SLIT1: variants seen among roughly 807,000 people sequenced by gnomAD.
SLIT1 encodes slit homolog 1 protein.
In SLIT1, 66 loss-of-function variants were observed where a neutral mutation model predicts 186.1. The ratio of observed to expected loss-of-function variants is 0.35; its 90% CI spans 0.29 to 0.44. The LOEUF (loss-of-function observed/expected upper bound fraction) is 0.44, where lower values mean the gene tolerates loss of function less well. SLIT1 is among the 20% of genes least tolerant of loss of function. SLIT1 has a pLI of 1.00. For synonymous variants in SLIT1, 761 were observed against 833.8 expected (o/e 0.91, Z 1.50); for missense variants, 1,638 against 2,037.4 (o/e 0.80, Z 3.77).
intron 26 of SLIT1, among the ~76,000 whole-genome samples, chr10:97,019,347 C>T (rs1817937407): frequency 6.6e-6 from 1 of 152,176 alleles, no homozygotes; most frequent in Admixed American, 6.5e-5. Context: ...CAGTGAATTC[C>T]AGTGTGCAAA....
intron 1 of SLIT1, among the ~76,000 whole-genome samples, chr10:97,180,523 G>A (rs1018368679): frequency 2.6e-5 from 4 of 152,154 alleles, no homozygotes; most frequent in African/African-American, 4.8e-5. Flanking sequence ...CTATTCACCC[G>A]GCACAATGCA....
chr10:97,136,014 G>A (rs1163498771), intron 4 of SLIT1, among the ~76,000 whole-genome samples: 1 of 152,124 alleles, frequency 6.6e-6, no homozygotes, highest in African/African-American at 2.4e-5. Context: ...ACATTAGGAT[G>A]GGGCCCTCGG....
At chr10:97,056,236 G>T in intron 13 of SLIT1, 85 bp downstream of exon 13, 3 of 1,471,582 alleles carry the variant, frequency 2.0e-6, no homozygotes. Flanking sequence ...GCCCAGAGCC[G>T]GAGAGCTGCC....
intron 1 of SLIT1, 130 bp downstream of exon 1, chr10:97,185,348 C>T: frequency 1.1e-6 from 1 of 877,652 alleles, no homozygotes; most frequent in Non-Finnish European, 1.7e-6. Flanking sequence ...CCGGCAGGCA[C>T]TGACCCGTCT....
chr10:97,167,226 A>C (rs971768054), intron 1 of SLIT1, among the ~76,000 whole-genome samples: 2 of 152,178 alleles, frequency 1.3e-5, no homozygotes, highest in African/African-American at 4.8e-5. Flanking sequence ...CAATGAACTA[A>C]ATATTATTTC....
At chr10:97,178,036 T>C (rs1161143127) in intron 1 of SLIT1, among the ~76,000 whole-genome samples, 1 of 152,116 alleles carries the variant, frequency 6.6e-6, no homozygotes, top group Non-Finnish European at 1.5e-5. Flanking sequence ...AAGTTCTTTC[T>C]TAGAGTAGAA....
Position 97,013,955 on chromosome 10 carries a change from A to T in SLIT1, c.3109+64T>A, listed in dbSNP as rs529485541. ...CAGGGATCCCCTTCCACTCCCGAGCATGGGGGCTCAGGGCTGTCTCTGTTC... is the reference window on the plus strand; with the variant it reads ...CAGGGATCCCCTTCCACTCCCGAGCTTGGGGGCTCAGGGCTGTCTCTGTTC... On this transcript the variant is annotated intron_variant, in intron 29 of 36. Transcript: ENST00000266058. The T allele has an allele frequency of 4.9e-4, 782 of 1,593,354 alleles. 3 individuals carry two copies. The African/African-American group carries it at 9.3e-3, about 19-fold the overall frequency.
intron 25 of SLIT1, among the ~76,000 whole-genome samples, chr10:97,025,497 C>A (rs767066320): frequency 5.3e-5 from 8 of 152,140 alleles, no homozygotes; most frequent in Non-Finnish European, 8.8e-5. Context: ...GACTGCCTTG[C>A]CCTCTCTTCG....
intron 4 of SLIT1, among the ~76,000 whole-genome samples, chr10:97,131,145 G>A (rs558355843): frequency 1.9e-4 from 29 of 152,274 alleles, no homozygotes; most frequent in African/African-American, 2.6e-4. Flanking sequence ...CCTGTCAGTC[G>A]GCACCAAAGG....
rs1850402352 is a variant in SLIT1 at position 97,185,617 on chromosome 10, G to C, written c.58C>G (p.Leu20Val). The C allele has an allele frequency of 1.3e-6, 2 of 1,566,654 alleles. No individual in the cohort carries two copies. Among genetic ancestry groups the C allele is most frequent in the Non-Finnish European group, 8.6e-7 (1 of 1,157,442 alleles). ...CGCCACGCGGCTGCCCACAGCAGCA[G>C]CCAGAGCTCCGGCCGGACCGGCCCC... is the stretch of plus-strand genomic sequence containing the variant. ...SAGPVRPELWLLLWAAAWRLG... is the reference protein window; with the variant it reads ...SAGPVRPELWVLLWAAAWRLG... The change falls in exon 1 of 37, where the codon CTG becomes GTG. Residue 20 changes from leucine (L) to valine (V), a missense_variant. Physicochemically the swap from Leu to Val is conservative, Grantham distance 32 (BLOSUM62 1). This residue lies in a region of SLIT1 where 1,245 missense variants were observed against 1,535.3 expected (regional missense o/e 0.81). Coordinates refer to ENST00000266058, the MANE Select transcript of SLIT1 (RefSeq NM_003061.3).
intron 4 of SLIT1, among the ~76,000 whole-genome samples, chr10:97,145,889 G>A (rs1006894987): frequency 2.6e-5 from 4 of 152,166 alleles, no homozygotes; most frequent in Admixed American, 1.3e-4. Context: ...TGGAGGAGGT[G>A]GGGCAGGAAC....
At chr10:97,146,140 C>T (rs566535730) in intron 4 of SLIT1, among the ~76,000 whole-genome samples, 10 of 152,338 alleles carry the variant, frequency 6.6e-5, no homozygotes, top group Middle Eastern at 3.4e-3. Context: ...TATAGGATTC[C>T]AGCCCCAAAT....
At chr10:97,014,702 A>G (rs181316210) in intron 28 of SLIT1, among the ~76,000 whole-genome samples, 27 of 152,234 alleles carry the variant, frequency 1.8e-4, no homozygotes, top group African/African-American at 6.5e-4. Context: ...CGCTGTCTCT[A>G]TTAAAATACA....
intron 2 of SLIT1, among the ~76,000 whole-genome samples, chr10:97,163,847 C>T (rs1850065710): frequency 6.6e-6 from 1 of 152,374 alleles, no homozygotes; most frequent in Non-Finnish European, 1.5e-5. Flanking sequence ...GGCGCACGTG[C>T]CCTGGCCTCT....
chr10:97,090,852 C>A (rs1260212719), intron 4 of SLIT1, among the ~76,000 whole-genome samples: 1 of 152,232 alleles, frequency 6.6e-6, no homozygotes, highest in East Asian at 1.9e-4. Flanking sequence ...CTCCTAAGCC[C>A]ACGCTCCATC....
intron 4 of SLIT1, among the ~76,000 whole-genome samples, chr10:97,119,921 A>ATATATATATATATATATG (rs1849544447): frequency 1.7e-5 from 2 of 120,082 alleles, no homozygotes; most frequent in African/African-American, 6.2e-5. Context: ...GGGTATATAT[A>ATATATATATATATATATG]TATATATATA....
chr10:97,185,281 T>C (rs1850395930), intron 1 of SLIT1, among the ~76,000 whole-genome samples, 197 bp downstream of exon 1: 2 of 151,564 alleles, frequency 1.3e-5, no homozygotes, highest in South Asian at 4.2e-4. Flanking sequence ...CGAGGGCCCT[T>C]TGAATCCCAG....
intron 9 of SLIT1, 101 bp downstream of exon 9, chr10:97,060,539 G>C (rs1192963961): frequency 4.1e-6 from 6 of 1,448,594 alleles, no homozygotes; most frequent in Non-Finnish European, 3.8e-6. Context: ...GAGGGGTTGG[G>C]GCAAGCCCTG....
At chr10:97,162,827 T>A (rs1290284948) in intron 3 of SLIT1, among the ~76,000 whole-genome samples, 1 of 149,434 alleles carries the variant, frequency 6.7e-6, no homozygotes, top group Non-Finnish European at 1.5e-5. Flanking sequence ...CCCACTATGT[T>A]TCTTTTTTTT....
Sources: gnomAD v4.1 joint callset for allele counts (sites outside exome capture counted in the v4.1 genomes callset) on GRCh38, gnomAD v4.1.1 for gene constraint, gnomAD v4.1.1 regional missense constraint, MANE v1.5 for transcripts, NCBI Gene and HGNC (gene_info 2026-07-23, HGNC 2026-07-21) for gene names.